Variants in HERC1 observed in about 807,000 individuals in gnomAD.
HERC1 encodes HECT and RLD domain containing E3 ubiquitin protein ligase family member 1.
Under a neutral mutation model 554.3 loss-of-function variants are expected in HERC1, and 160 were observed. That is an observed-to-expected ratio of 0.29 (90% CI 0.25 to 0.33). HERC1 has a LOEUF of 0.33. HERC1 is among the 10% of genes least tolerant of loss of function. The pLI, the probability that HERC1 is intolerant of heterozygous loss-of-function variation, is 1.00. For synonymous variants in HERC1, 2,175 were observed against 2,131.7 expected, an observed-to-expected ratio of 1.02 and a Z score of -0.56; for missense variants, 4,919 against 5,918.5, an observed-to-expected ratio of 0.83 and a Z score of 5.54.
intron 1 of HERC1, among the ~76,000 whole-genome samples, chr15:63,826,678 T>C (rs1596335742): frequency 6.7e-6 from 1 of 148,480 alleles, no homozygotes; most frequent in Admixed American, 6.8e-5. Flanking sequence ...TAGTGGACAA[T>C]GTATTTCATT....
chr15:63,698,677 T>A, intron 26 of HERC1, 51 bp downstream of exon 26: 1 of 1,538,744 alleles, frequency 6.5e-7, no homozygotes, highest in Non-Finnish European at 8.8e-7. Context: ...ATTCAATGGT[T>A]CAGTTTTAAG....
Position 63,734,220 on chromosome 15 carries a change from A to G in HERC1, c.2646+504T>C, listed in dbSNP as rs565972640. On this transcript the variant is annotated intron_variant, in intron 13 of 77. Coordinates refer to ENST00000443617, the MANE Select transcript of HERC1 (RefSeq NM_003922.4). The surrounding 1 kb of genome is among the most constrained non-coding windows in gnomAD (Gnocchi z 4.6). ...TATCAGTAAATATTACACTGCAAAT[A>G]AGTACCAATTTTTTTTCCTCAAATC... 6.6e-6 allele frequency among the ~76,000 whole-genome samples: 1 copy of G among 152,292 alleles called. No individual in the cohort carries two copies. The highest frequency in any genetic ancestry group is 2.1e-4 in the South Asian group (1 of 4,826).
chr15:63,634,287 TA>T (rs1260768380), intron 66 of HERC1, among the ~76,000 whole-genome samples: 1 of 152,198 alleles, frequency 6.6e-6, no homozygotes, highest in Non-Finnish European at 1.5e-5. Flanking sequence ...TAAGGAATGA[TA>T]TAGAAAAAGC....
In HERC1 at chr15:63,723,372, C is replaced by A; in HGVS notation, c.3569-17G>T. ...TACATTTATCTAAAAAAAATACTCA[C>A]GTTACCAATTTTAACATCATAAATT... is the stretch of plus-strand genomic sequence containing the variant. On this transcript the variant is annotated splice_polypyrimidine_tract_variant and intron_variant, in intron 18 of 77. Coordinates refer to ENST00000443617, the MANE Select transcript of HERC1 (RefSeq NM_003922.4). 2.7e-6 allele frequency: 4 copies of A among 1,501,696 alleles called. No homozygotes were observed. Among genetic ancestry groups the A allele is most frequent in the Non-Finnish European group, 3.6e-6 (4 of 1,114,608 alleles). 93.0% of individuals were successfully genotyped at this position (1,501,696 alleles called of 1,614,324 possible).
intron 1 of HERC1, among the ~76,000 whole-genome samples, chr15:63,790,700 T>C (rs759891542): frequency 5.5e-4 from 84 of 152,142 alleles, no homozygotes; most frequent in Non-Finnish European, 1.1e-3. Context: ...TTGTGTGTTA[T>C]GTTTCCCTTT....
intron 37 of HERC1, among the ~76,000 whole-genome samples, chr15:63,675,707 T>C (rs899404696): frequency 6.6e-6 from 1 of 152,184 alleles, no homozygotes; most frequent in Admixed American, 6.5e-5. Context: ...TAATTATATA[T>C]TTCCTGATAT....
chr15:63,727,691 G>A lies in HERC1; in HGVS notation c.3302C>T (p.Ala1101Val), dbSNP rs781287195. ...CTCCTGGTCTTCTAAAAGATCAGCAGCTGGCAGGAGTCTATTAAGGCAATC... is the reference window on the plus strand; with the variant it reads ...CTCCTGGTCTTCTAAAAGATCAGCAACTGGCAGGAGTCTATTAAGGCAATC... ...PLDCLNRLLP[A>V]ADLLEDQELQ... is the part of the protein sequence containing the mutation. Residue 1101 changes from alanine to valine, a missense_variant, in exon 17 of 78, where the codon GCT becomes GTT. Transcript: ENST00000443617. This position sits in a 1 kb window ranked among gnomAD's most constrained non-coding sequence, Gnocchi z 4.3. 3.7e-6 allele frequency: 6 copies of A among 1,613,492 alleles called. No homozygotes were observed. The highest frequency in any genetic ancestry group is 4.2e-6 in the Non-Finnish European group (5 of 1,179,748).
In HERC1 at chr15:63,775,319, G is replaced by GC; in HGVS notation, c.304dup (p.Ala102GlyfsTer3). ...GAGTACAAGCAGTCGTTTTCTAAGT[G>GC]CCCCGGCAAATGGGGAATCTGAACA... On this transcript the variant is annotated frameshift_variant, in exon 2 of 78. Transcript: ENST00000443617. LOFTEE classifies it high-confidence loss of function. This position sits in a 1 kb window ranked among gnomAD's most constrained non-coding sequence, Gnocchi z 4.0. 1 of 1,613,994 alleles carries GC rather than the reference G, an allele frequency of 6.2e-7. No individual in the cohort carries two copies. The highest frequency in any genetic ancestry group is 8.5e-7 in the Non-Finnish European group (1 of 1,179,892).
At chr15:63,726,013 G>C (rs572177492) in intron 17 of HERC1, among the ~76,000 whole-genome samples, 1 of 152,020 alleles carries the variant, frequency 6.6e-6, no homozygotes, top group Non-Finnish European at 1.5e-5. Context: ...ACAGAGTCTC[G>C]TTCTGTCACT....
intron 12 of HERC1, among the ~76,000 whole-genome samples, chr15:63,735,541 T>TTAA (rs1555431452): frequency 8.0e-6 from 1 of 125,316 alleles, no homozygotes; most frequent in African/African-American, 2.9e-5. Flanking sequence ...ATTTAAAGTA[T>TTAA]AAAAAAAAAA....
intron 2 of HERC1, 43 bp from the exon 3 acceptor site, chr15:63,764,234 G>A (rs1241905756): frequency 7.5e-7 from 1 of 1,335,174 alleles, no homozygotes; most frequent in Non-Finnish European, 1.1e-6. Flanking sequence ...GAAGGGGAGA[G>A]ACATATGCAT....
intron 54 of HERC1, 140 bp downstream of exon 54, chr15:63,649,579 TAATTAA>T: frequency 1.6e-6 from 1 of 634,896 alleles, no homozygotes; most frequent in Non-Finnish European, 2.8e-6. Context: ...ATTCAGTAAC[TAATTAA>T]AATTAAAACA....
intron 57 of HERC1, among the ~76,000 whole-genome samples, chr15:63,644,725 C>T (rs2069243058): frequency 6.6e-6 from 1 of 152,188 alleles, no homozygotes; most frequent in Admixed American, 6.5e-5. Context: ...CAACTTATGA[C>T]TCGTCTATCT....
intron 63 of HERC1, 59 bp downstream of exon 63, chr15:63,638,352 A>C: frequency 6.4e-7 from 1 of 1,553,232 alleles, no homozygotes; most frequent in East Asian, 2.2e-5. Context: ...TAAGACAAGC[A>C]AAAGAATTAG....
rs999791585 is a variant in HERC1, at chr15:63,628,796, T to A, written c.12986A>T (p.Asn4329Ile). Residue 4329 changes from asparagine to isoleucine, a missense_variant, in exon 70 of 78, where the codon AAC (asparagine) becomes ATC (isoleucine). By Grantham distance (149) the Asn-to-Ile change is moderately radical (BLOSUM62 -3). Coordinates refer to ENST00000443617, the MANE Select transcript of HERC1 (RefSeq NM_003922.4). ...SEGQLGLGHT[N>I]HVREPTLVTG... ...TACCAGGGTTGGTTCTCGAACATGGTTGGTATGGCCTAAGCCGAGCTGGGA... is the reference window on the plus strand; with the variant it reads ...TACCAGGGTTGGTTCTCGAACATGGATGGTATGGCCTAAGCCGAGCTGGGA... 6.2e-7 allele frequency: 1 copy of A among 1,613,822 alleles called. No homozygotes were observed. Among genetic ancestry groups the A allele is most frequent in the African/African-American group, 1.3e-5 (1 of 74,910 alleles).
rs2075176672 is a variant in HERC1, at chr15:63,749,853, G to A, written c.1903-62C>T. 1 of 1,335,888 alleles carries A rather than the reference G, an allele frequency of 7.5e-7. No individual in the cohort carries two copies. Among genetic ancestry groups the A allele is most frequent in the South Asian group, 1.6e-5 (1 of 61,722 alleles). The allele number at this position is 1,335,888 out of a possible 1,614,324, so 82.8% of individuals were successfully genotyped here. A position where few individuals can be genotyped will look rare whatever the true frequency, so the allele number is the denominator to read the frequency against. On this transcript the variant is annotated intron_variant, in intron 8 of 77. Transcript: ENST00000443617. The surrounding 1 kb of genome is among the most constrained non-coding windows in gnomAD (Gnocchi z 4.1). ...GAGATGATTAGATTGTTGGCTTTAG[G>A]GATAAATGAAATCTATGAAACTAAA...
At chr15:63,771,583 CA>C (rs922108284) in intron 2 of HERC1, among the ~76,000 whole-genome samples, 15 of 151,974 alleles carry the variant, frequency 9.9e-5, no homozygotes, top group Non-Finnish European at 2.2e-4. Flanking sequence ...AGGCACCTGC[CA>C]CCATGCCTGG....
chr15:63,815,738 G>A (rs995476652), intron 1 of HERC1, among the ~76,000 whole-genome samples: 2 of 151,918 alleles, frequency 1.3e-5, no homozygotes, highest in African/African-American at 2.4e-5. Context: ...ATGTTAGTCC[G>A]GTCTCATGCT....
chr15:63,761,773 A>T (rs1398157643), intron 3 of HERC1, among the ~76,000 whole-genome samples: 31 of 152,220 alleles, frequency 2.0e-4, no homozygotes. Context: ...TGTAATTAAA[A>T]CAAATGAGTA....
Sources: allele counts gnomAD v4.1 joint callset (sites outside exome capture counted in the v4.1 genomes callset), GRCh38; gene constraint gnomAD v4.1.1; non-coding constraint Gnocchi (gnomAD v3.1); transcripts MANE v1.5; gene names NCBI Gene and HGNC (gene_info 2026-07-23, HGNC 2026-07-21).